STK10: variants seen among roughly 807,000 people sequenced by gnomAD.
The protein encoded by STK10 is serine/threonine kinase 10.
A neutral mutation model predicts 113.8 loss-of-function variants in STK10; 78 were observed. The ratio of observed to expected loss-of-function variants is 0.69; its 90% CI spans 0.57 to 0.83. The LOEUF is 0.83. STK10 is among the 40% of genes least tolerant of loss of function. STK10 has a pLI of 0.00. For missense variants in STK10, 1,109 were observed against 1,280.1 expected (o/e 0.87, Z 2.04); for synonymous variants, 465 against 494.7 (o/e 0.94, Z 0.80).
intron 1 of STK10, among the ~76,000 whole-genome samples, chr5:172,160,621 T>C (rs1363117332): frequency 6.6e-6 from 1 of 152,156 alleles, no homozygotes; most frequent in Non-Finnish European, 1.5e-5. Flanking sequence ...CTAAGGATAA[T>C]ATTGATCACG....
chr5:172,155,229 G>A (rs1211947178), intron 2 of STK10, among the ~76,000 whole-genome samples: 2 of 152,180 alleles, frequency 1.3e-5, no homozygotes, highest in Non-Finnish European at 2.9e-5. Context: ...TGGGCACAGT[G>A]CCTCACGCCT....
intron 1 of STK10, among the ~76,000 whole-genome samples, chr5:172,162,266 G>A (rs1166248675): frequency 5.3e-5 from 8 of 151,988 alleles, no homozygotes; most frequent in South Asian, 2.1e-4. Flanking sequence ...GCTTGAACCC[G>A]GAAGGTGGAG....
Position 172,106,651 on chromosome 5 carries a change from C to G in STK10, c.757G>C (p.Asp253His). ...MRVLLKIAKS[D>H]PPTLLTPSKW... The stretch of plus-strand genomic sequence containing the variant: ...GAGGGCGTGAGCAGCGTGGGAGGGT[C>G]CGACTTGGCGATCTTTAGCAGGACC... Residue 253 changes from aspartate to histidine, a missense_variant, in exon 6 of 19, where the codon GAC becomes CAC. Physicochemically the swap from Asp to His is moderately conservative, Grantham distance 81. Around this residue, in one of 5 missense-constraint regions of STK10, gnomAD observed 885 missense variants for 991.1 expected, o/e 0.89. Coordinates refer to ENST00000176763, the MANE Select transcript of STK10 (RefSeq NM_005990.4). The G allele has an allele frequency of 6.2e-7, 1 of 1,613,154 alleles. No homozygotes were observed. The highest frequency in any genetic ancestry group is 8.5e-7 in the Non-Finnish European group (1 of 1,179,988).
chr5:172,157,838 A>G (rs1370688443), intron 1 of STK10, among the ~76,000 whole-genome samples: 1 of 150,592 alleles, frequency 6.6e-6, no homozygotes, highest in Non-Finnish European at 1.5e-5. Flanking sequence ...TGATCCGCCC[A>G]TCTCGGCCTC....
chr5:172,119,775 A>C (rs1014485052), intron 3 of STK10, among the ~76,000 whole-genome samples: 3 of 147,226 alleles, frequency 2.0e-5, no homozygotes, highest in Non-Finnish European at 4.5e-5. Context: ...GAGGCAGGAG[A>C]ATGGCGTGAA....
intron 2 of STK10, among the ~76,000 whole-genome samples, chr5:172,138,190 T>C (rs892020039): frequency 1.3e-5 from 2 of 152,152 alleles, no homozygotes; most frequent in Non-Finnish European, 2.9e-5. Context: ...GGCACAATCT[T>C]GGCTCACTGC....
chr5:172,090,875 CAG>C (rs1166348240), intron 9 of STK10, among the ~76,000 whole-genome samples: 1 of 137,662 alleles, frequency 7.3e-6, no homozygotes, highest in East Asian at 2.1e-4. Flanking sequence ...GCGGAGTTTG[CAG>C]AGAGCTTAGA....
chr5:172,186,491 G>A (rs556839205), intron 1 of STK10, among the ~76,000 whole-genome samples: 1 of 152,134 alleles, frequency 6.6e-6, no homozygotes, highest in Admixed American at 6.5e-5. Context: ...GGGCTGTGGT[G>A]TGCACCTGTA....
chr5:172,090,707 C>T (rs1244789854), intron 9 of STK10, among the ~76,000 whole-genome samples: 1 of 152,000 alleles, frequency 6.6e-6, no homozygotes, highest in Non-Finnish European at 1.5e-5. Flanking sequence ...GAGGCCGAGG[C>T]AGGCGGATCA....
chr5:172,045,634 C>T (rs979635273), intron 18 of STK10, among the ~76,000 whole-genome samples: 16 of 152,162 alleles, frequency 1.1e-4, no homozygotes, highest in African/African-American at 3.4e-4. Flanking sequence ...AAAAGCACTG[C>T]GGGAGGTTCC....
At chr5:172,106,401 C>CAAAAAAAAAAAAAAAAAAA (rs368671444) in intron 6 of STK10, among the ~76,000 whole-genome samples, 5,220 of 52,442 alleles carry the variant, frequency 0.1, 1,396 homozygotes, top group Non-Finnish European at 0.14. Context: ...GACCCTATCT[C>CAAAAAAAAAAAAAAAAAAA]AAAAAAAAAA....
intron 10 of STK10, among the ~76,000 whole-genome samples, chr5:172,087,264 T>C (rs1768585511): frequency 2.8e-5 from 2 of 70,858 alleles, no homozygotes; most frequent in African/African-American, 1.3e-4. Context: ...GGCTTATTTA[T>C]TTATTTATTT....
intron 1 of STK10, among the ~76,000 whole-genome samples, chr5:172,181,999 A>C (rs1443389041): frequency 6.6e-6 from 1 of 152,122 alleles, no homozygotes; most frequent in East Asian, 1.9e-4. Context: ...TTTGCAAAAC[A>C]ATAAATCTTT....
intron 2 of STK10, among the ~76,000 whole-genome samples, chr5:172,144,330 A>G (rs1461841350): frequency 6.6e-6 from 1 of 152,194 alleles, no homozygotes; most frequent in Non-Finnish European, 1.5e-5. Flanking sequence ...TCAGCCCCCC[A>G]GGCCTCCCTG....
chr5:172,073,747 G>C (rs1398412647), intron 12 of STK10, among the ~76,000 whole-genome samples: 6 of 135,874 alleles, frequency 4.4e-5, no homozygotes, highest in African/African-American at 1.7e-4. Flanking sequence ...AGAAGTTCCA[G>C]ACCAGCTTGG....
chr5:172,145,798 C>G (rs113875224), intron 2 of STK10, among the ~76,000 whole-genome samples: 59 of 152,304 alleles, frequency 3.9e-4, no homozygotes, highest in African/African-American at 1.4e-3. Flanking sequence ...TGGGATCACA[C>G]AGGGAAAGCC....
rs772236742 is a variant in STK10, at chr5:172,053,015, G to A, written c.2680C>T (p.His894Tyr). 1.2e-6 allele frequency: 2 copies of A among 1,614,050 alleles called. No homozygotes were observed. The highest frequency in any genetic ancestry group is 1.3e-5 in the African/African-American group (1 of 74,928). Residue 894 changes from histidine (H) to tyrosine (Y), a missense_variant, in exon 18 of 19, where the codon CAC becomes TAC. Coordinates refer to ENST00000176763, the MANE Select transcript of STK10 (RefSeq NM_005990.4). ...QNEKCHLLVE[H>Y]ETQKLKALDE... ...AGGGCCTTCAGTTTCTGGGTTTCGT[G>A]CTCTACCAGGAGGTGGCACTTTTCA...
rs117061760 is a variant in STK10 at position 172,074,308 on chromosome 5, A to G, written c.1989+8018T>C. ...ATTTCACGGCTTTTATAAAGCTACA[A>G]TCGTCAAGACACTGTAGTATTGGTG... On this transcript the variant is annotated intron_variant, in intron 12 of 18. Transcript: ENST00000176763. Among the ~76,000 whole-genome samples, 12 of 152,346 alleles carry G rather than the reference A, an allele frequency of 7.9e-5. No homozygotes were observed. In the East Asian group the frequency reaches 2.3e-3, roughly 29 times the overall value.
At chr5:172,080,111 C>A (rs1768398609) in intron 12 of STK10, among the ~76,000 whole-genome samples, 1 of 152,008 alleles carries the variant, frequency 6.6e-6, no homozygotes, top group Admixed American at 6.6e-5. Context: ...TTATTATTAT[C>A]TCTATTATGA....
Sources: gnomAD v4.1 joint callset for allele counts (sites outside exome capture counted in the v4.1 genomes callset) on GRCh38, gnomAD v4.1.1 for gene constraint, gnomAD v4.1.1 regional missense constraint, MANE v1.5 for transcripts, NCBI Gene and HGNC (gene_info 2026-07-23, HGNC 2026-07-21) for gene names.